The following IFT46 variants were observed in gnomAD, a reference collection of about 807,000 sequenced individuals.
IFT46 encodes the protein intraflagellar transport protein 46 homolog.
IFT46 carries 19 observed loss-of-function variants against 39.6 expected under a neutral mutation model. That is an observed-to-expected ratio of 0.48 (90% confidence interval 0.33 to 0.70). IFT46 has a LOEUF of 0.70. Ranked by LOEUF, IFT46 falls within the 30% of genes least tolerant of loss-of-function variation. The probability of loss-of-function intolerance (pLI) is 0.01; values close to 1 mark genes in which losing one functional copy is unlikely to be tolerated. For missense variants in IFT46, 334 were observed against 364.8 expected (o/e 0.92, Z 0.69); for synonymous variants, 117 against 134.8 (o/e 0.87, Z 0.91).
At chr11:118,558,890 G>A (rs1937931014) in intron 3 of IFT46, among the ~76,000 whole-genome samples, 1 of 149,560 alleles carries the variant, frequency 6.7e-6, no homozygotes, top group South Asian at 2.1e-4. Context: ...TCCAGCCTGG[G>A]TGAAAGAGCA....
Position 118,554,515 on chromosome 11 carries a change from C to G in IFT46, c.427G>C (p.Asp143His), listed in dbSNP as rs1439174929. ...AACCAGAGTGAGAGCACCGTAGGGTCTGACTGCTTTGTAGAAGGTTCATCC... is the reference window on the plus strand; with the variant it reads ...AACCAGAGTGAGAGCACCGTAGGGTGTGACTGCTTTGTAGAAGGTTCATCC... The part of the protein sequence containing the change: ...VLDEPSTKQS[D>H]PTVLSLWLTE... The change falls in exon 7 of 12, where the codon GAC (aspartate) becomes CAC (histidine). Residue 143 changes from aspartate (D) to histidine (H), a missense_variant. Physicochemically the swap from Asp to His is moderately conservative, Grantham distance 81 (BLOSUM62 -1). Transcript: ENST00000264021. 7 of 1,613,644 alleles carry G rather than the reference C, an allele frequency of 4.3e-6. No individual in the cohort carries two copies. Among genetic ancestry groups the G allele is most frequent in the African/African-American group, 1.3e-5 (1 of 74,890 alleles).
chr11:118,568,380 C>T (rs782294885), upstream of IFT46, among the ~76,000 whole-genome samples: 7 of 151,900 alleles, frequency 4.6e-5, no homozygotes, highest in Non-Finnish European at 8.8e-5. Context: ...GTGAAACCCC[C>T]ATCTCTACTA....
Position 118,555,311 on chromosome 11 carries a change from G to C in IFT46, c.197C>G (p.Pro66Arg), listed in dbSNP as rs1043102929. ...HGAPLEGAYD[P>R]ADYEHLPVSA... is the part of the protein sequence containing the mutation. The stretch of plus-strand genomic sequence containing the variant: ...AACTGGCAAATGCTCATAGTCTGCA[G>C]GGTCATAGGCCCTGGGAAAAGGAAA... Residue 66 changes from proline (P) to arginine (R), a missense_variant, in exon 5 of 12, where the codon CCT becomes CGT. Pro to Arg is a moderately radical substitution (Grantham distance 103). Transcript: ENST00000264021. 1.9e-6 allele frequency: 3 copies of C among 1,613,986 alleles called. No homozygotes were observed. The highest frequency in any genetic ancestry group is 4.5e-5 in the East Asian group (2 of 44,874).
chr11:118,560,407 C>A (rs1938002245), intron 2 of IFT46: 1 of 148,150 alleles, frequency 6.7e-6, no homozygotes, highest in Admixed American at 9.2e-5. Flanking sequence ...GCCCGGGCAA[C>A]AGAGTGAGAG....
chr11:118,571,364 T>G (rs1938332404), intron 1 of IFT46, among the ~76,000 whole-genome samples: 1 of 152,266 alleles, frequency 6.6e-6, no homozygotes. Context: ...CTCCACTTTT[T>G]GGCTACTATG....
Position 118,554,504 on chromosome 11 carries a change from C to A in IFT46, c.438G>T (p.Val146=), listed in dbSNP as rs782386152. The A allele has an allele frequency of 1.1e-5, 17 of 1,613,312 alleles. No homozygotes were observed. The highest frequency in any genetic ancestry group is 1.4e-5 in the Non-Finnish European group (16 of 1,179,776). ...EPSTKQSDPT[V]LSLWLTENSK... ...AATTCTCTGTTAACCAGAGTGAGAG[C>A]ACCGTAGGGTCTGACTGCTTTGTAG... The change falls in exon 7 of 12, where the codon GTG becomes GTT. Residue 146 remains valine (V), a synonymous_variant. Transcript: ENST00000264021.
chr11:118,548,260 ATT>A (rs1358486051), intron 9 of IFT46, among the ~76,000 whole-genome samples: 2 of 148,980 alleles, frequency 1.3e-5, no homozygotes, highest in African/African-American at 5.0e-5. Context: ...TATATAAAAT[ATT>A]TTTTCTCAGA....
intron 9 of IFT46, among the ~76,000 whole-genome samples, chr11:118,548,367 C>CTTT (rs58602089): frequency 1.5e-5 from 2 of 129,786 alleles, no homozygotes; most frequent in African/African-American, 2.9e-5. Context: ...TCCATTACGA[C>CTTT]TTTTTTTTTT....
rs1555066617 is a variant in IFT46, at chr11:118,544,883, G to A, written c.*33C>T. 1.3e-6 allele frequency: 2 copies of A among 1,493,162 alleles called. No homozygotes were observed. The highest frequency in any genetic ancestry group is 1.9e-6 in the Non-Finnish European group (2 of 1,071,826). The allele number at this position is 1,493,162 out of a possible 1,614,324, so 92.5% of individuals were successfully genotyped here. A position where few individuals can be genotyped will look rare whatever the true frequency, so the allele number is the denominator to read the frequency against. On this transcript the variant is annotated 3_prime_UTR_variant, in exon 12 of 12. Coordinates refer to ENST00000264021, the MANE Select transcript of IFT46 (RefSeq NM_001168618.2). ...CATCTCAGCTGGGGCAGAGGGGCCAGCTCAGCCTTGAAACAGCAGCTTGGG... is the reference window on the plus strand; with the variant it reads ...CATCTCAGCTGGGGCAGAGGGGCCAACTCAGCCTTGAAACAGCAGCTTGGG...
chr11:118,576,555 A>T (rs1245418274), upstream of IFT46, among the ~76,000 whole-genome samples: 1 of 151,994 alleles, frequency 6.6e-6, no homozygotes, highest in Non-Finnish European at 1.5e-5. Context: ...CTATATTTTA[A>T]TAATTGTTAA....
At chr11:118,548,874 G>T (rs1369046523) in intron 9 of IFT46, among the ~76,000 whole-genome samples, 1 of 150,070 alleles carries the variant, frequency 6.7e-6, no homozygotes, top group Non-Finnish European at 1.5e-5. Context: ...TCCCATTTTG[G>T]CCTCCCACTC....
chr11:118,564,733 G>A (rs1198580801), intron 2 of IFT46, among the ~76,000 whole-genome samples: 1 of 152,164 alleles, frequency 6.6e-6, no homozygotes, highest in African/African-American at 2.4e-5. Flanking sequence ...CTGGCAGACA[G>A]TGAGCAAAGC....
intron 1 of IFT46, chr11:118,565,458 T>A (rs1459000872): frequency 1.4e-4 from 1 of 6,986 alleles, no homozygotes; most frequent in Non-Finnish European, 2.6e-4. Context: ...GAGTCACCTC[T>A]GGGGTGGGGT....
upstream of IFT46, among the ~76,000 whole-genome samples, chr11:118,566,528 TA>T (rs1555071553): frequency 1.3e-5 from 2 of 152,090 alleles, no homozygotes; most frequent in East Asian, 3.9e-4. Context: ...CCGTCTCTAC[TA>T]AAAAATTCAA....
intron 1 of IFT46, chr11:118,572,400 G>C (rs1555072554): frequency 1.0e-5 from 6 of 575,896 alleles, no homozygotes; most frequent in Non-Finnish European, 1.6e-5. Context: ...GACGTGGCTT[G>C]GGGCCGCCAT....
intron 4 of IFT46, 25 bp from the exon 5 acceptor site, chr11:118,555,347 C>A (rs77812853): frequency 0.073 from 116,322 of 1,598,804 alleles, 4,983 homozygotes; most frequent in Non-Finnish European, 0.084. Flanking sequence ...ACAGTTTGTT[C>A]GAGGTGGCCA....
intron 2 of IFT46, among the ~76,000 whole-genome samples, chr11:118,562,731 G>T (rs1938099981): frequency 6.6e-6 from 1 of 152,124 alleles, no homozygotes; most frequent in African/African-American, 2.4e-5. Context: ...GCCAAAATAT[G>T]AAAACAACCC....
chr11:118,565,354 C>T (rs543679301), intron 1 of IFT46, among the ~76,000 whole-genome samples: 9 of 149,714 alleles, frequency 6.0e-5, no homozygotes, highest in South Asian at 4.2e-4. Flanking sequence ...TACGACCACG[C>T]GCAAGGGCAG....
rs115185092 is a variant in IFT46, at chr11:118,572,757, C to T, written c.-294G>A. On this transcript the variant is annotated 5_prime_UTR_variant, in exon 1 of 6. Coordinates refer to the IFT46 transcript ENST00000528378. ...TGACTCCAGTCCATCTGTCGTCGTG[C>T]CCGCTTCCGCACCACCCCCCAACCA... is the stretch of plus-strand genomic sequence containing the variant. The T allele has an allele frequency of 5.2e-3, 2,718 of 520,736 alleles. 60 individuals are homozygous for T. Among genetic ancestry groups the T allele is most frequent in the African/African-American group, 0.043 (2,192 of 50,902 alleles). 32.3% of individuals were successfully genotyped at this position (520,736 alleles called of 1,614,324 possible).
Sources: gnomAD v4.1 joint callset for allele counts (sites outside exome capture counted in the v4.1 genomes callset) on GRCh38, gnomAD v4.1.1 for gene constraint, MANE v1.5 for transcripts, NCBI Gene and HGNC (gene_info 2026-07-23, HGNC 2026-07-21) for gene names.